SPTSSA: variants seen among roughly 807,000 people sequenced by gnomAD.
SPTSSA encodes the protein small subunit of serine palmitoyltransferase A.
In SPTSSA, 8 loss-of-function variants were observed where a neutral mutation model predicts 9.1. The ratio of observed to expected loss-of-function variants is 0.88; its 90% CI spans 0.51 to 1.58. The LOEUF (loss-of-function observed/expected upper bound fraction) is 1.58. SPTSSA is among the 40% of genes most tolerant of loss of function. SPTSSA has a pLI of 0.00. For missense variants in SPTSSA, 100 were observed against 93.8 expected, an observed-to-expected ratio of 1.07 and a Z score of -0.27; for synonymous variants, 42 against 37.7, an observed-to-expected ratio of 1.11 and a Z score of -0.41.
At chr14:34,442,023 C>T (rs1675944300) in intron 1 of SPTSSA, among the ~76,000 whole-genome samples, 1 of 152,044 alleles carries the variant, frequency 6.6e-6, no homozygotes, top group African/African-American at 2.4e-5. Context: ...TTACAGGCGC[C>T]CGCCACCATG....
At chr14:34,444,793 A>G (rs898837330) in intron 1 of SPTSSA, among the ~76,000 whole-genome samples, 4 of 151,738 alleles carry the variant, frequency 2.6e-5, no homozygotes, top group African/African-American at 9.7e-5. Context: ...TGTAACATGC[A>G]ATTAAGACTA....
chr14:34,434,832 C>A lies in SPTSSA; in HGVS notation c.*369G>T, dbSNP rs1028025765. 3.1e-4 allele frequency: 49 copies of A among 159,112 alleles called. No individual in the cohort carries two copies. Among genetic ancestry groups the A allele is most frequent in the Non-Finnish European group, 1.1e-4 (8 of 72,312 alleles). 9.9% of individuals were successfully genotyped at this position (159,112 alleles called of 1,614,324 possible). On this transcript the variant is annotated 3_prime_UTR_variant, in exon 2 of 2. Coordinates refer to ENST00000298130, the MANE Select transcript of SPTSSA (RefSeq NM_138288.4). ...CCATACAATAGCAAGAACAGTAAAG[C>A]CCAACTAATGATTTTGAGTTTTAAA...
intron 1 of SPTSSA, among the ~76,000 whole-genome samples, chr14:34,442,067 G>A (rs984850074): frequency 2.6e-5 from 4 of 152,010 alleles, no homozygotes; most frequent in Non-Finnish European, 5.9e-5. Flanking sequence ...GTAGAGATGC[G>A]GCTTCACCAT....
At chr14:34,438,028 C>T (rs1883265510) in intron 1 of SPTSSA, among the ~76,000 whole-genome samples, 1 of 152,088 alleles carries the variant, frequency 6.6e-6, no homozygotes, top group African/African-American at 2.4e-5. Context: ...GTCTTGAACT[C>T]CTGGGGACAA....
At chr14:34,460,608 G>C (rs2138838677) in intron 1 of SPTSSA, among the ~76,000 whole-genome samples, 1 of 151,914 alleles carries the variant, frequency 6.6e-6, no homozygotes, top group East Asian at 1.9e-4. Context: ...GATTCTAATA[G>C]TGCACTCTAC....
At chr14:34,455,740 T>C (rs888099039) in intron 1 of SPTSSA, among the ~76,000 whole-genome samples, 1 of 150,846 alleles carries the variant, frequency 6.6e-6, no homozygotes, top group Non-Finnish European at 1.5e-5. Flanking sequence ...AAGAACAGCC[T>C]GGCCAACATG....
At chr14:34,441,583 G>A (rs879644816) in intron 1 of SPTSSA, among the ~76,000 whole-genome samples, 2 of 152,218 alleles carry the variant, frequency 1.3e-5, no homozygotes, top group Non-Finnish European at 2.9e-5. Flanking sequence ...AAGCCAGCCA[G>A]GAAGAAGAGG....
rs915384028 is a variant in SPTSSA at position 34,433,015 on chromosome 14, A to G, written c.*2186T>C. ...ATAACTACAAGGTATGCTTGTAAAT[A>G]CCTTATTTTTAACAAAAAGTGAAAA... is the stretch of plus-strand genomic sequence containing the variant. On this transcript the variant is annotated 3_prime_UTR_variant, in exon 2 of 2. Coordinates refer to ENST00000298130, the MANE Select transcript of SPTSSA (RefSeq NM_138288.4). 6.6e-6 allele frequency: 1 copy of G among 152,170 alleles called. No individual in the cohort carries two copies. The highest frequency in any genetic ancestry group is 1.5e-5 in the Non-Finnish European group (1 of 68,024). The allele number at this position is 152,170 out of a possible 1,614,324, so 9.4% of individuals were successfully genotyped here. A position where few individuals can be genotyped will look rare whatever the true frequency, so the allele number is the denominator to read the frequency against.
intron 1 of SPTSSA, among the ~76,000 whole-genome samples, chr14:34,439,371 C>T (rs1883285511): frequency 3.3e-5 from 5 of 152,106 alleles, no homozygotes; most frequent in Admixed American, 3.3e-4. Flanking sequence ...GGTGCAGTGG[C>T]TCATGCCTGT....
At chr14:34,449,660 G>A (rs144034655) in intron 1 of SPTSSA, among the ~76,000 whole-genome samples, 2,894 of 151,732 alleles carry the variant, frequency 0.019, 97 homozygotes, top group African/African-American at 0.066. Context: ...GTGCCACCAC[G>A]CCCAGCTGAT....
intron 1 of SPTSSA, among the ~76,000 whole-genome samples, chr14:34,443,643 C>T (rs1423764886): frequency 6.6e-6 from 1 of 151,790 alleles, no homozygotes; most frequent in Admixed American, 6.6e-5. Context: ...TCAAGCGATT[C>T]TCCTGCTTCA....
Position 34,434,192 on chromosome 14 carries a change from T to C in SPTSSA, c.*1009A>G, listed in dbSNP as rs1015365884. On this transcript the variant is annotated 3_prime_UTR_variant, in exon 2 of 2. Transcript: ENST00000298130. Reference sequence around the variant, plus strand: ...TTTTTTCTCTTTGAATTTAATGTATTTACATCAAAAAATTAGGTAGTCATT... The same window carrying C: ...TTTTTTCTCTTTGAATTTAATGTATCTACATCAAAAAATTAGGTAGTCATT... The C allele has an allele frequency of 2.6e-5, 4 of 152,198 alleles. No homozygotes were observed. The highest frequency in any genetic ancestry group is 9.7e-5 in the African/African-American group (4 of 41,310). The allele number at this position is 152,198 out of a possible 1,614,324, so 9.4% of individuals were successfully genotyped here. A position where few individuals can be genotyped will look rare whatever the true frequency, so the allele number is the denominator to read the frequency against.
At chr14:34,441,657 ACTCT>A (rs142169829) in intron 1 of SPTSSA, among the ~76,000 whole-genome samples, 2 of 142,248 alleles carry the variant, frequency 1.4e-5, no homozygotes, top group Admixed American at 7.1e-5. Context: ...CATACAGGGG[ACTCT>A]CTCTCTCTCT....
chr14:34,454,714 T>C (rs1883584305), intron 1 of SPTSSA, among the ~76,000 whole-genome samples: 1 of 152,216 alleles, frequency 6.6e-6, no homozygotes, highest in South Asian at 2.1e-4. Flanking sequence ...CTGAGAATTC[T>C]TGTGGTTTGC....
chr14:34,456,174 T>G (rs1878461823), intron 1 of SPTSSA, among the ~76,000 whole-genome samples: 1 of 151,564 alleles, frequency 6.6e-6, no homozygotes, highest in African/African-American at 2.4e-5. Context: ...AACAAAAAAT[T>G]AGCCAGGCGT....
At chr14:34,458,599 C>A (rs1057358695) in intron 1 of SPTSSA, among the ~76,000 whole-genome samples, 1 of 150,252 alleles carries the variant, frequency 6.7e-6, no homozygotes, top group Admixed American at 6.7e-5. Context: ...TGGGTTCAAG[C>A]GATTCTCCTG....
chr14:34,444,715 G>T (rs1038885453), intron 1 of SPTSSA, among the ~76,000 whole-genome samples: 1 of 150,182 alleles, frequency 6.7e-6, no homozygotes, highest in African/African-American at 2.5e-5. Flanking sequence ...TCGCACCATT[G>T]TACTCCAGCC....
chr14:34,433,480 A>C lies in SPTSSA; in HGVS notation c.*1721T>G, dbSNP rs1425845533. 6.6e-6 allele frequency: 1 copy of C among 152,174 alleles called. No homozygotes were observed. Among genetic ancestry groups the C allele is most frequent in the Admixed American group, 6.5e-5 (1 of 15,276 alleles). The allele number at this position is 152,174 out of a possible 1,614,324, so 9.4% of individuals were successfully genotyped here. On this transcript the variant is annotated 3_prime_UTR_variant, in exon 2 of 2. Transcript: ENST00000298130. ...GTATTATTTTTCTTGAGATAATATG[A>C]CTACAGCTCAGATATAACCATATCC... is the stretch of plus-strand genomic sequence containing the variant.
intron 1 of SPTSSA, among the ~76,000 whole-genome samples, chr14:34,448,389 A>G (rs962619977): frequency 1.3e-5 from 2 of 152,084 alleles, no homozygotes; most frequent in African/African-American, 4.8e-5. Flanking sequence ...TCTGCCTCCC[A>G]TAAAGATTTA....
Sources: gnomAD v4.1 joint callset for allele counts (sites outside exome capture counted in the v4.1 genomes callset) on GRCh38, gnomAD v4.1.1 for gene constraint, MANE v1.5 for transcripts, NCBI Gene and HGNC (gene_info 2026-07-23, HGNC 2026-07-21) for gene names.